PAPSS1: variants seen among roughly 807,000 people sequenced by gnomAD.
PAPSS1 encodes the protein 3'-phosphoadenosine 5'-phosphosulfate synthase 1, also known as bifunctional 3'-phosphoadenosine 5'-phosphosulfate synthase 1.
Under a neutral mutation model 72.0 loss-of-function variants are expected in PAPSS1, and 50 were observed. That is an observed-to-expected ratio of 0.69 (90% CI 0.55 to 0.88). The LOEUF (loss-of-function observed/expected upper bound fraction) is 0.88. PAPSS1 is among the 40% of genes least tolerant of loss of function. The pLI is 0.00. For synonymous variants in PAPSS1, 261 were observed against 263.6 expected, an observed-to-expected ratio of 0.99 and a Z score of 0.09; for missense variants, 657 against 782.2, an observed-to-expected ratio of 0.84 and a Z score of 1.91.
chr4:107,713,138 C>T lies in PAPSS1; in HGVS notation c.60+6982G>A, dbSNP rs112647347. ...ATTTTTTTCATATTTTTAGTAGAGA[C>T]GAGGTTTCACCATGTTGGCCAGGCT... On this transcript the variant is annotated intron_variant, in intron 1 of 11. Coordinates refer to ENST00000265174, the MANE Select transcript of PAPSS1 (RefSeq NM_005443.5). Among the ~76,000 whole-genome samples the T allele has an allele frequency of 4.6e-3, 697 of 151,830 alleles. 4 individuals carry two copies. Among genetic ancestry groups the T allele is most frequent in the African/African-American group, 0.016 (657 of 41,454 alleles).
At chr4:107,663,853 G>A (rs1263394478) in intron 5 of PAPSS1, among the ~76,000 whole-genome samples, 2 of 152,192 alleles carry the variant, frequency 1.3e-5, no homozygotes, top group African/African-American at 4.8e-5. Flanking sequence ...ATATAGTTGA[G>A]AAGTATTGAA....
chr4:107,689,856 C>T lies in PAPSS1; in HGVS notation c.412-2679G>A, dbSNP rs146984293. Among the ~76,000 whole-genome samples the T allele has an allele frequency of 5.7e-3, 864 of 152,256 alleles. 6 individuals carry two copies. The highest frequency in any genetic ancestry group is 6.9e-3 in the Non-Finnish European group (470 of 68,022). The stretch of plus-strand genomic sequence containing the variant: ...CCCACCAAAAATGAAATACGCATGT[C>T]CTCCCCTCCTATCCTGTACTTCATA... On this transcript the variant is annotated intron_variant, in intron 3 of 11. Transcript: ENST00000265174.
At chr4:107,652,438 T>C (rs1247253560) in intron 9 of PAPSS1, among the ~76,000 whole-genome samples, 4 of 152,158 alleles carry the variant, frequency 2.6e-5, no homozygotes, top group Admixed American at 6.5e-5. Flanking sequence ...GCAGGAAATA[T>C]GATATAAAAA....
intron 6 of PAPSS1, among the ~76,000 whole-genome samples, chr4:107,658,441 A>T (rs1465225596): frequency 6.6e-6 from 1 of 152,008 alleles, no homozygotes; most frequent in Non-Finnish European, 1.5e-5. Flanking sequence ...TCTTCATTTT[A>T]CAAAGACTAT....
Position 107,687,035 on chromosome 4 carries a change from T to C in PAPSS1, c.550+4A>G, listed in dbSNP as rs372615632. On this transcript the variant is annotated splice_donor_region_variant and intron_variant, in intron 4 of 11. Transcript: ENST00000265174. ...AGTGAAACTGGGAAGAAAATATTAC[T>C]GACCTTTAATTTCTCCTGCCCGGGC... 1.9e-6 allele frequency: 3 copies of C among 1,598,502 alleles called. No individual in the cohort carries two copies. The African/African-American group carries it at 4.1e-5, about 22-fold the overall frequency.
intron 3 of PAPSS1, among the ~76,000 whole-genome samples, chr4:107,689,751 C>G (rs1722869582): frequency 6.6e-6 from 1 of 152,130 alleles, no homozygotes; most frequent in Non-Finnish European, 1.5e-5. Flanking sequence ...ATACAACTTT[C>G]CTAAACTCTA....
At chr4:107,710,136 A>T (rs1188088039) in intron 1 of PAPSS1, among the ~76,000 whole-genome samples, 1 of 152,204 alleles carries the variant, frequency 6.6e-6, no homozygotes, top group Non-Finnish European at 1.5e-5. Flanking sequence ...ATGACTCATT[A>T]AGGGTTGAGA....
At chr4:107,671,589 C>A (rs761915322) in intron 5 of PAPSS1, among the ~76,000 whole-genome samples, 16 of 152,016 alleles carry the variant, frequency 1.1e-4, no homozygotes, top group Non-Finnish European at 2.4e-4. Flanking sequence ...GAATCACTAA[C>A]AAGATATAAA....
intron 9 of PAPSS1, among the ~76,000 whole-genome samples, chr4:107,648,328 G>C (rs1008231371): frequency 2.0e-5 from 3 of 152,212 alleles, no homozygotes; most frequent in Admixed American, 6.5e-5. Flanking sequence ...GGCGTTGCCA[G>C]CAAGGACTGT....
At chr4:107,673,937 C>A (rs1480569670) in intron 5 of PAPSS1, among the ~76,000 whole-genome samples, 1 of 152,158 alleles carries the variant, frequency 6.6e-6, no homozygotes, top group African/African-American at 2.4e-5. Context: ...ATTTCATATG[C>A]AGCCAAACTA....
chr4:107,671,479 A>G (rs961073903), intron 5 of PAPSS1, among the ~76,000 whole-genome samples: 2 of 152,204 alleles, frequency 1.3e-5, no homozygotes, highest in Non-Finnish European at 2.9e-5. Context: ...TGTCTGAAGT[A>G]TCTGGAATTT....
chr4:107,629,245 T>A (rs2110300813), intron 11 of PAPSS1, among the ~76,000 whole-genome samples: 1 of 152,282 alleles, frequency 6.6e-6, no homozygotes, highest in South Asian at 2.1e-4. Context: ...AATGGTGAAA[T>A]CACTGATGCT....
At chr4:107,717,144 T>C (rs904453582) in intron 1 of PAPSS1, among the ~76,000 whole-genome samples, 1 of 152,150 alleles carries the variant, frequency 6.6e-6, no homozygotes, top group Non-Finnish European at 1.5e-5. Context: ...GAACTTATAT[T>C]AACATTGAAA....
At chr4:107,618,370 G>A (rs1725876207) in intron 11 of PAPSS1, among the ~76,000 whole-genome samples, 1 of 149,288 alleles carries the variant, frequency 6.7e-6, no homozygotes, top group African/African-American at 2.6e-5. Flanking sequence ...GAGTTGAGAT[G>A]TGATTTTTTT....
At chr4:107,711,805 A>G (rs1029156699) in intron 1 of PAPSS1, among the ~76,000 whole-genome samples, 5 of 152,242 alleles carry the variant, frequency 3.3e-5, no homozygotes, top group Admixed American at 6.5e-5. Context: ...GAGTTAACTA[A>G]TAACTGAAAT....
At chr4:107,675,728 C>A (rs1273698855) in intron 5 of PAPSS1, among the ~76,000 whole-genome samples, 2 of 151,880 alleles carry the variant, frequency 1.3e-5, no homozygotes, top group Non-Finnish European at 2.9e-5. Context: ...AGAGACACAG[C>A]AAAAAAAGAA....
chr4:107,653,767 TTA>T (rs1560573428), intron 8 of PAPSS1, 141 bp from the exon 9 acceptor site: 1 of 531,852 alleles, frequency 1.9e-6, no homozygotes, highest in East Asian at 3.3e-5. Context: ...TAAATTGACA[TTA>T]GAGATGCTAT....
At chr4:107,615,229 G>A (rs2726670) in intron 11 of PAPSS1, among the ~76,000 whole-genome samples, 47,863 of 151,886 alleles carry the variant, frequency 0.32, 7,594 homozygotes, top group East Asian at 0.5. Flanking sequence ...CACAGAGCAC[G>A]TATAGCTATG....
At chr4:107,674,157 T>C (rs903444826) in intron 5 of PAPSS1, among the ~76,000 whole-genome samples, 67 of 152,316 alleles carry the variant, frequency 4.4e-4, no homozygotes, top group African/African-American at 1.4e-3. Context: ...AACATCATAA[T>C]GACAGGATCA....
Sources: gnomAD v4.1 joint callset for allele counts (sites outside exome capture counted in the v4.1 genomes callset) on GRCh38, gnomAD v4.1.1 for gene constraint, MANE v1.5 for transcripts, NCBI Gene and HGNC (gene_info 2026-07-23, HGNC 2026-07-21) for gene names.